The following DLG2 variants were observed in gnomAD, a reference collection of about 807,000 sequenced individuals.
The protein encoded by DLG2 is discs large MAGUK scaffold protein 2, also known as disks large homolog 2.
DLG2 carries 45 observed loss-of-function variants against 132.5 expected under a neutral mutation model. The observed-to-expected ratio is 0.34, with a 90% CI of 0.27 to 0.44. DLG2 has a LOEUF of 0.44. Ranked by LOEUF, DLG2 falls within the 20% of genes least tolerant of loss-of-function variation. DLG2 has a pLI of 1.00. For missense variants in DLG2, 1,045 were observed against 1,196.9 expected, an observed-to-expected ratio of 0.87 and a Z score of 1.87; for synonymous variants, 424 against 419.6, an observed-to-expected ratio of 1.01 and a Z score of -0.13.
At chr11:84,329,455 T>G (rs369170673) in intron 7 of DLG2, among the ~76,000 whole-genome samples, 1 of 152,204 alleles carries the variant, frequency 6.6e-6, no homozygotes, top group African/African-American at 2.4e-5. Flanking sequence ...TGAGATCTGA[T>G]AGTTTTATAA....
chr11:83,465,035 A>T (rs1019633513), intron 26 of DLG2, among the ~76,000 whole-genome samples: 2 of 152,176 alleles, frequency 1.3e-5, no homozygotes, highest in Non-Finnish European at 2.9e-5. Context: ...AATTTAATAC[A>T]TGCTATTGGG....
At chr11:83,652,042 G>C in intron 18 of DLG2, 1 of 292,318 alleles carries the variant, frequency 3.4e-6, no homozygotes, top group East Asian at 8.1e-5. Flanking sequence ...GCAGAAAAGA[G>C]AAAAAATTAT....
chr11:84,885,694 C>A (rs1453676660), intron 6 of DLG2, among the ~76,000 whole-genome samples: 1 of 152,054 alleles, frequency 6.6e-6, no homozygotes, highest in African/African-American at 2.4e-5. Flanking sequence ...AGCACAGTAC[C>A]TGGTGCATAG....
intron 6 of DLG2, among the ~76,000 whole-genome samples, chr11:84,570,086 G>T (rs2099475334): frequency 1.3e-5 from 2 of 152,074 alleles, no homozygotes; most frequent in African/African-American, 4.8e-5. Flanking sequence ...AATAACTAGG[G>T]ACCTGTTAAT....
intron 3 of DLG2, among the ~76,000 whole-genome samples, chr11:85,492,313 A>T (rs1199786620): frequency 1.3e-5 from 2 of 152,194 alleles, no homozygotes. Context: ...TAAAATTTGC[A>T]TTTCTCAATC....
At position 84,087,653 on chromosome 11, in the gene DLG2, C is replaced by T. The variant is rs151071219; in HGVS notation, c.749+11270G>A. ...GGTGTCCAATATAATCACAGGAGTCCTTATAAAGAAGAGTTAGTAGAGTCA... is the reference window on the plus strand; with the variant it reads ...GGTGTCCAATATAATCACAGGAGTCTTTATAAAGAAGAGTTAGTAGAGTCA... On this transcript the variant is annotated intron_variant, in intron 10 of 27. Coordinates refer to ENST00000376104, the MANE Select transcript of DLG2 (RefSeq NM_001142699.3). Among the ~76,000 whole-genome samples, 864 of 151,940 alleles carry T rather than the reference C, an allele frequency of 5.7e-3. 10 individuals are homozygous for T. Among genetic ancestry groups the T allele is most frequent in the South Asian group, 0.047 (226 of 4,810 alleles).
At chr11:84,305,241 G>A (rs1209420239) in intron 7 of DLG2, among the ~76,000 whole-genome samples, 1 of 152,048 alleles carries the variant, frequency 6.6e-6, no homozygotes, top group Non-Finnish European at 1.5e-5. Flanking sequence ...TACTATGCCA[G>A]ACAATGTAAT....
intron 7 of DLG2, among the ~76,000 whole-genome samples, chr11:84,508,891 T>C (rs2099249735): frequency 6.6e-6 from 1 of 152,228 alleles, no homozygotes; most frequent in African/African-American, 2.4e-5. Context: ...CAGTAAATGG[T>C]TATTGTTGAC....
intron 11 of DLG2, among the ~76,000 whole-genome samples, chr11:84,008,177 G>T (rs1333904911): frequency 6.6e-6 from 1 of 151,596 alleles, no homozygotes; most frequent in Non-Finnish European, 1.5e-5. Context: ...CCTCATAATT[G>T]GTTAATCCCA....
intron 21 of DLG2, among the ~76,000 whole-genome samples, chr11:83,493,050 T>C (rs1276503890): frequency 6.6e-6 from 1 of 152,146 alleles, no homozygotes; most frequent in Non-Finnish European, 1.5e-5. Context: ...GCTACCACTT[T>C]GATCTCCTCT....
At chr11:84,197,556 G>C (rs947818758) in intron 8 of DLG2, among the ~76,000 whole-genome samples, 3 of 152,110 alleles carry the variant, frequency 2.0e-5, no homozygotes, top group Non-Finnish European at 2.9e-5. Flanking sequence ...CCTCCAAAGA[G>C]TCAAGACACA....
intron 4 of DLG2, among the ~76,000 whole-genome samples, chr11:85,190,725 CT>C (rs61581121): frequency 0.042 from 6,373 of 152,184 alleles, 180 homozygotes; most frequent in East Asian, 0.093. Flanking sequence ...ATGAACACCC[CT>C]ATGCACATAA....
At chr11:85,278,215 T>A (rs1468344695) in intron 4 of DLG2, among the ~76,000 whole-genome samples, 1 of 152,222 alleles carries the variant, frequency 6.6e-6, no homozygotes, top group Non-Finnish European at 1.5e-5. Context: ...ATGAAGACAT[T>A]TAACTTCTCT....
chr11:85,050,374 C>T (rs1246648180), intron 6 of DLG2, among the ~76,000 whole-genome samples: 1 of 151,980 alleles, frequency 6.6e-6, no homozygotes, highest in Non-Finnish European at 1.5e-5. Flanking sequence ...GCCTAAAGAA[C>T]AAGACTTTGT....
chr11:85,253,570 G>A (rs2076509399), intron 4 of DLG2, among the ~76,000 whole-genome samples: 1 of 152,150 alleles, frequency 6.6e-6, no homozygotes, highest in Admixed American at 6.5e-5. Flanking sequence ...AGGGGAGGGT[G>A]CCTGCGACCC....
intron 15 of DLG2, among the ~76,000 whole-genome samples, chr11:83,912,817 C>T (rs1418412452): frequency 2.6e-5 from 4 of 151,944 alleles, no homozygotes; most frequent in Non-Finnish European, 4.4e-5. Flanking sequence ...TCTATGGACT[C>T]GAATTTGGGA....
chr11:85,400,576 T>C (rs1242176139), intron 3 of DLG2, among the ~76,000 whole-genome samples: 2 of 146,918 alleles, frequency 1.4e-5, no homozygotes, highest in African/African-American at 2.5e-5. Flanking sequence ...ATGTGGCACA[T>C]ATACACCATG....
At chr11:84,534,524 C>T in intron 7 of DLG2, 46 bp downstream of exon 7, 1 of 1,588,152 alleles carries the variant, frequency 6.3e-7, no homozygotes, top group Non-Finnish European at 8.6e-7. Flanking sequence ...CAATTAAGAC[C>T]AACTACTGTC....
intron 7 of DLG2, among the ~76,000 whole-genome samples, chr11:84,322,088 A>T (rs1384492672): frequency 1.3e-5 from 2 of 152,226 alleles, no homozygotes. Context: ...CATCCTTTGA[A>T]CTCAGCACAA....
Sources: gnomAD v4.1 joint callset for allele counts (sites outside exome capture counted in the v4.1 genomes callset) on GRCh38, gnomAD v4.1.1 for gene constraint, MANE v1.5 for transcripts, NCBI Gene and HGNC (gene_info 2026-07-23, HGNC 2026-07-21) for gene names.